The following ENTPD7 variants were observed in gnomAD, a reference collection of about 807,000 sequenced individuals.
The protein encoded by ENTPD7 is NTPDase 7.
ENTPD7 carries 53 observed loss-of-function variants against 77.9 expected under a neutral mutation model. That is an observed-to-expected ratio of 0.68 (90% CI 0.55 to 0.85). The LOEUF (loss-of-function observed/expected upper bound fraction) is 0.85. Among genes scored for constraint, ENTPD7 ranks in the 40% least tolerant of loss-of-function variants. The pLI is 0.00. For missense variants in ENTPD7, 636 were observed against 743.7 expected, an observed-to-expected ratio of 0.86 and a Z score of 1.68; for synonymous variants, 248 against 274.9, an observed-to-expected ratio of 0.90 and a Z score of 0.97.
intron 5 of ENTPD7, among the ~76,000 whole-genome samples, chr10:99,681,267 ATTATTTAT>A (rs34561300): frequency 4.0e-5 from 6 of 149,342 alleles, no homozygotes; most frequent in African/African-American, 1.2e-4. Context: ...TGACAGTTTG[ATTATTTAT>A]TTATTTATTT....
Position 99,685,272 on chromosome 10 carries a change from T to A in ENTPD7, c.549-520T>A, listed in dbSNP as rs1400517149. Among the ~76,000 whole-genome samples, 4 of 152,244 alleles carry A rather than the reference T, an allele frequency of 2.6e-5. No individual in the cohort carries two copies. The East Asian group carries it at 7.7e-4, about 29-fold the overall frequency. On this transcript the variant is annotated intron_variant, in intron 5 of 12. Coordinates refer to ENST00000370489, the MANE Select transcript of ENTPD7 (RefSeq NM_020354.5). The stretch of plus-strand genomic sequence containing the variant: ...AACTCCGTCTCAAAAAAAAGTTAAT[T>A]GTTAGCTTATGTAAAGGATTACATT...
chr10:99,673,351 TG>T (rs2035639261), intron 3 of ENTPD7, among the ~76,000 whole-genome samples: 1 of 151,294 alleles, frequency 6.6e-6, no homozygotes, highest in Non-Finnish European at 1.5e-5. Context: ...TATGAAAAAA[TG>T]CATGAAAGGT....
At chr10:99,700,272 AACGTTATCTTCCCAGAGCCACCTTCTGGG>A (rs1259630648) in intron 10 of ENTPD7, among the ~76,000 whole-genome samples, 8 of 152,044 alleles carry the variant, frequency 5.3e-5, no homozygotes, top group Non-Finnish European at 8.8e-5. Flanking sequence ...CTTTGACTCA[AACGTTATCTTCCCAGAGCCACCTTCTGGG>A]ACCACTCTAT....
intron 3 of ENTPD7, among the ~76,000 whole-genome samples, chr10:99,665,930 A>T (rs1040807546): frequency 6.6e-6 from 1 of 152,098 alleles, no homozygotes; most frequent in African/African-American, 2.4e-5. Flanking sequence ...AAATTTGGAG[A>T]CCTAAATCCA....
At chr10:99,671,561 A>G (rs1044558376) in intron 3 of ENTPD7, among the ~76,000 whole-genome samples, 30 of 152,182 alleles carry the variant, frequency 2.0e-4, no homozygotes, top group African/African-American at 6.5e-4. Context: ...ACTGTTGTAC[A>G]TGTGGTTTGC....
At chr10:99,704,062 ACT>A (rs1564637908) in intron 12 of ENTPD7, among the ~76,000 whole-genome samples, 1 of 151,910 alleles carries the variant, frequency 6.6e-6, no homozygotes, top group Non-Finnish European at 1.5e-5. Context: ...AGACACACAC[ACT>A]CTGATTTCTT....
chr10:99,672,297 G>T (rs927538623), intron 3 of ENTPD7, among the ~76,000 whole-genome samples: 3 of 144,390 alleles, frequency 2.1e-5, no homozygotes, highest in Non-Finnish European at 4.5e-5. Flanking sequence ...CATTTATTCA[G>T]TTACTTGATC....
chr10:99,666,177 T>A (rs373504404), intron 3 of ENTPD7, among the ~76,000 whole-genome samples: 4 of 152,074 alleles, frequency 2.6e-5, no homozygotes, highest in Admixed American at 2.6e-4. Flanking sequence ...CTTTGAAAGG[T>A]TTTGAAGAGT....
chr10:99,690,874 C>T (rs542127162), intron 7 of ENTPD7, among the ~76,000 whole-genome samples: 1 of 152,148 alleles, frequency 6.6e-6, no homozygotes, highest in Non-Finnish European at 1.5e-5. Context: ...ATATTTGTTT[C>T]TTTTGTCCTT....
intron 3 of ENTPD7, among the ~76,000 whole-genome samples, chr10:99,668,392 TAAG>T (rs1248125243): frequency 6.6e-6 from 1 of 152,154 alleles, no homozygotes; most frequent in African/African-American, 2.4e-5. Context: ...TACATTTACT[TAAG>T]GAGGTATTGT....
chr10:99,679,597 A>T, intron 4 of ENTPD7, 128 bp from the exon 5 acceptor site: 4 of 1,421,264 alleles, frequency 2.8e-6, no homozygotes, highest in Non-Finnish European at 3.8e-6. Flanking sequence ...TTTCATTGTC[A>T]CCCCCTACCT....
rs918527583 is a variant in ENTPD7, at chr10:99,698,446, T to C, written c.1011-88T>C. ...GATATCATGAAAACCAGTAGTAAGATATTTCTGATGCACATTGTGTTTCTT... is the reference window on the plus strand; with the variant it reads ...GATATCATGAAAACCAGTAGTAAGACATTTCTGATGCACATTGTGTTTCTT... On this transcript the variant is annotated intron_variant, in intron 9 of 12. Transcript: ENST00000370489. 2.3e-6 allele frequency: 3 copies of C among 1,292,144 alleles called. No individual in the cohort carries two copies. In the African/African-American group the frequency reaches 4.4e-5, roughly 19 times the overall value. 80.0% of individuals were successfully genotyped at this position (1,292,144 alleles called of 1,614,324 possible).
chr10:99,688,646 G>A, intron 6 of ENTPD7, 48 bp from the exon 7 acceptor site: 1 of 1,587,386 alleles, frequency 6.3e-7, no homozygotes, highest in Non-Finnish European at 8.6e-7. Context: ...GTGTATACAT[G>A]GCATAGCAGT....
chr10:99,680,007 A>G (rs886979739), intron 5 of ENTPD7, 132 bp downstream of exon 5: 24 of 1,089,034 alleles, frequency 2.2e-5, no homozygotes, highest in African/African-American at 4.7e-5. Flanking sequence ...TTCATTCCCA[A>G]CTTCTTGTCA....
At chr10:99,665,518 T>C (rs1342022687) in intron 3 of ENTPD7, among the ~76,000 whole-genome samples, 2 of 152,064 alleles carry the variant, frequency 1.3e-5, no homozygotes, top group Non-Finnish European at 2.9e-5. Flanking sequence ...CATTCATTCA[T>C]TCATCATTCA....
intron 12 of ENTPD7, among the ~76,000 whole-genome samples, chr10:99,703,002 A>G (rs780750266): frequency 3.3e-5 from 5 of 152,208 alleles, no homozygotes; most frequent in Non-Finnish European, 7.3e-5. Context: ...ACAAGCTAAA[A>G]TGTCATTCTT....
intron 8 of ENTPD7, among the ~76,000 whole-genome samples, chr10:99,694,545 T>TG (rs1197674259): frequency 2.0e-5 from 3 of 150,800 alleles, no homozygotes; most frequent in East Asian, 1.9e-4. Flanking sequence ...TTTGTTTTTT[T>TG]TTTTTTTTGA....
chr10:99,698,929 G>T, intron 10 of ENTPD7, 71 bp downstream of exon 10: 1 of 1,428,794 alleles, frequency 7.0e-7, no homozygotes, highest in Non-Finnish European at 9.5e-7. Flanking sequence ...TCTGTGCCAG[G>T]TGCTGTGCAA....
chr10:99,665,987 C>G (rs968652779), intron 3 of ENTPD7, among the ~76,000 whole-genome samples: 1 of 152,102 alleles, frequency 6.6e-6, no homozygotes, highest in African/African-American at 2.4e-5. Context: ...GACAGACCTG[C>G]GCATAGTTTC....
Sources: gnomAD v4.1 joint callset for allele counts (sites outside exome capture counted in the v4.1 genomes callset) on GRCh38, gnomAD v4.1.1 for gene constraint, MANE v1.5 for transcripts, NCBI Gene and HGNC (gene_info 2026-07-23, HGNC 2026-07-21) for gene names.